Variants in RBFOX1 observed in about 807,000 individuals in gnomAD.
RBFOX1 encodes the protein RNA binding protein fox-1 homolog 1.
A neutral mutation model predicts 57.7 loss-of-function variants in RBFOX1; 8 were observed. That is an observed-to-expected ratio of 0.14 (90% CI 0.08 to 0.25). RBFOX1 has a LOEUF of 0.25. Ranked by LOEUF, RBFOX1 falls within the 10% of genes least tolerant of loss-of-function variation. The pLI is 1.00. For synonymous variants in RBFOX1, 326 were observed against 222.4 expected (o/e 1.47, Z -4.15); for missense variants, 611 against 548.5 (o/e 1.11, Z -1.14).
intron 2 of RBFOX1, among the ~76,000 whole-genome samples, chr16:6,643,854 G>A (rs934447735): frequency 3.3e-5 from 5 of 151,942 alleles, no homozygotes; most frequent in Admixed American, 1.3e-4. Flanking sequence ...GGCTGAGCAC[G>A]CTGGGTCATG....
At chr16:6,410,021 A>G (rs1167487462) in intron 2 of RBFOX1, among the ~76,000 whole-genome samples, 1 of 152,100 alleles carries the variant, frequency 6.6e-6, no homozygotes, top group Admixed American at 6.6e-5. Flanking sequence ...GTCCTCTACG[A>G]GGCAAAGGTG....
chr16:7,370,637 C>T (rs936285928), intron 4 of RBFOX1, among the ~76,000 whole-genome samples: 2 of 152,184 alleles, frequency 1.3e-5, no homozygotes, highest in Non-Finnish European at 2.9e-5. Flanking sequence ...ATTAGCACAT[C>T]CTAGGCATGG....
intron 4 of RBFOX1, among the ~76,000 whole-genome samples, chr16:7,247,756 A>G (rs554667678): frequency 6.6e-6 from 1 of 152,312 alleles, no homozygotes; most frequent in South Asian, 2.1e-4. Context: ...TGCAGGGAGC[A>G]AGGTCGGTGC....
chr16:5,274,860 A>C (rs1257309384), intron 1 of RBFOX1, among the ~76,000 whole-genome samples: 1 of 152,178 alleles, frequency 6.6e-6, no homozygotes, highest in Non-Finnish European at 1.5e-5. Flanking sequence ...TGGGCATGTC[A>C]GGGTCTAGTA....
chr16:5,908,179 CATATATACACATATATACAT>C (rs1417486373), intron 4 of RBFOX1, among the ~76,000 whole-genome samples: 19 of 98,944 alleles, frequency 1.9e-4, no homozygotes. Flanking sequence ...CATATATACA[CATATATACACATATATACAT>C]ATACACACAT....
At chr16:6,127,079 G>C (rs1049487684) in intron 1 of RBFOX1, among the ~76,000 whole-genome samples, 1 of 152,148 alleles carries the variant, frequency 6.6e-6, no homozygotes, top group Non-Finnish European at 1.5e-5. Context: ...TCCATGGGAA[G>C]AACATCTCAG....
intron 3 of RBFOX1, among the ~76,000 whole-genome samples, chr16:6,858,751 C>G (rs1461434134): frequency 1.3e-5 from 2 of 152,006 alleles, no homozygotes; most frequent in Non-Finnish European, 2.9e-5. Flanking sequence ...ATACCAAAAA[C>G]ACATCTTTAT....
intron 3 of RBFOX1, among the ~76,000 whole-genome samples, chr16:6,834,445 G>T (rs1219494158): frequency 6.6e-6 from 1 of 152,060 alleles, no homozygotes; most frequent in Non-Finnish European, 1.5e-5. Context: ...GAGGGGAAGC[G>T]TCAATGGATG....
chr16:5,799,668 G>A (rs1391393280), intron 3 of RBFOX1, among the ~76,000 whole-genome samples: 1 of 152,104 alleles, frequency 6.6e-6, no homozygotes, highest in African/African-American at 2.4e-5. Context: ...TGTGTTCAAG[G>A]TAGGCTGGGC....
rs574766363 is a variant in RBFOX1 at position 7,013,656 on chromosome 16, A to G, written c.-15-38401A>G. ...GGAGGGAGGATGCCATTAACAAATT[A>G]TATAAAGTCTGTTTTTTAAGAGAGA... On this transcript the variant is annotated intron_variant, in intron 3 of 15. Transcript: ENST00000550418. 3.3e-5 allele frequency among the ~76,000 whole-genome samples: 5 copies of G among 152,332 alleles called. No homozygotes were observed. In the East Asian group the frequency reaches 9.7e-4, roughly 29 times the overall value.
At chr16:7,296,877 C>T (rs1248058149) in intron 4 of RBFOX1, among the ~76,000 whole-genome samples, 2 of 152,188 alleles carry the variant, frequency 1.3e-5, no homozygotes, top group African/African-American at 2.4e-5. Context: ...AGCTTTGTGT[C>T]CCTTCCCTCT....
intron 1 of RBFOX1, among the ~76,000 whole-genome samples, chr16:6,315,598 T>C (rs2081015787): frequency 6.8e-6 from 1 of 146,166 alleles, no homozygotes; most frequent in African/African-American, 2.5e-5. Flanking sequence ...GATGGATAGA[T>C]GGATGGATGA....
intron 4 of RBFOX1, among the ~76,000 whole-genome samples, chr16:5,884,123 C>T (rs1035443582): frequency 2.6e-5 from 4 of 152,142 alleles, no homozygotes; most frequent in African/African-American, 9.7e-5. Context: ...ATGAGAGAGG[C>T]TATTAATTAC....
intron 4 of RBFOX1, among the ~76,000 whole-genome samples, chr16:7,225,776 G>T (rs1250264011): frequency 1.0e-5 from 1 of 100,038 alleles, no homozygotes; most frequent in Non-Finnish European, 1.8e-5. Context: ...AGGGGGGAGG[G>T]ATAGCATTAG....
intron 3 of RBFOX1, among the ~76,000 whole-genome samples, chr16:5,820,217 C>G (rs946411902): frequency 1.3e-5 from 2 of 152,238 alleles, no homozygotes; most frequent in African/African-American, 4.8e-5. Flanking sequence ...CATACTCACC[C>G]CATAGCCTGA....
chr16:7,603,616 G>C (rs2095150627), intron 9 of RBFOX1, among the ~76,000 whole-genome samples: 1 of 152,116 alleles, frequency 6.6e-6, no homozygotes, highest in Admixed American at 6.6e-5. Context: ...AAGCTAGAGA[G>C]TTCTCCAAGA....
chr16:7,710,729 G>A lies in RBFOX1; in HGVS notation c.1178G>A (p.Arg393His), dbSNP rs2083885125. 1.3e-6 allele frequency: 2 copies of A among 1,595,148 alleles called. No homozygotes were observed. Among genetic ancestry groups the A allele is most frequent in the Non-Finnish European group, 1.7e-6 (2 of 1,173,498 alleles). Residue 393 changes from arginine to histidine, a missense_variant, in exon 16 of 16, where the codon CGT (arginine) becomes CAT (histidine). By Grantham distance (29) the Arg-to-His change is conservative (BLOSUM62 0). Transcript: ENST00000550418. ...AGTATATACCGAGGGGGATACAACC[G>A]TTTTGCTCCATACTAAATGACAAAA... is the stretch of plus-strand genomic sequence containing the variant. ...QASIYRGGYN[R>H]FAPY
chr16:7,055,940 G>A (rs536606142), intron 4 of RBFOX1, among the ~76,000 whole-genome samples: 1 of 152,286 alleles, frequency 6.6e-6, no homozygotes, highest in East Asian at 1.9e-4. Context: ...ATTTGACACA[G>A]ATGATTTCTC....
intron 2 of RBFOX1, among the ~76,000 whole-genome samples, chr16:5,494,653 G>T (rs2042941065): frequency 6.6e-6 from 1 of 152,194 alleles, no homozygotes; most frequent in African/African-American, 2.4e-5. Context: ...AGCCATATAT[G>T]CTTGGCAGTT....
Sources: gnomAD v4.1 joint callset for allele counts (sites outside exome capture counted in the v4.1 genomes callset) on GRCh38, gnomAD v4.1.1 for gene constraint, MANE v1.5 for transcripts, NCBI Gene and HGNC (gene_info 2026-07-23, HGNC 2026-07-21) for gene names.